ACACB: variants seen among roughly 807,000 people sequenced by gnomAD.
ACACB encodes the protein acetyl-CoA carboxylase 2.
Under a neutral mutation model 278.8 loss-of-function variants are expected in ACACB, and 209 were observed. The ratio of observed to expected loss-of-function variants is 0.75; its 90% confidence interval spans 0.67 to 0.84. The LOEUF is 0.84. Among genes scored for constraint, ACACB ranks in the 40% least tolerant of loss-of-function variants. The probability of loss-of-function intolerance (pLI) is 0.00; values close to 1 mark genes in which losing one functional copy is unlikely to be tolerated. For missense variants in ACACB, 2,850 were observed against 3,269.0 expected, an observed-to-expected ratio of 0.87 and a Z score of 3.13; for synonymous variants, 1,174 against 1,285.6, an observed-to-expected ratio of 0.91 and a Z score of 1.86.
At chr12:109,145,073 T>C (rs1160751580) in intron 2 of ACACB, among the ~76,000 whole-genome samples, 1 of 152,180 alleles carries the variant, frequency 6.6e-6, no homozygotes, top group African/African-American at 2.4e-5. Flanking sequence ...CTTCATAGTT[T>C]CAAAATGACT....
chr12:109,173,800 G>T (rs2044193861), intron 6 of ACACB, among the ~76,000 whole-genome samples: 1 of 152,166 alleles, frequency 6.6e-6, no homozygotes, highest in South Asian at 2.1e-4. Context: ...GCTAACCTAT[G>T]GTCCAGCTCT....
Position 109,175,946 on chromosome 12 carries a change from G to A in ACACB, c.1232G>A (p.Trp411Ter). 1 of 1,614,086 alleles carries A rather than the reference G, an allele frequency of 6.2e-7. No individual in the cohort carries two copies. Among genetic ancestry groups the A allele is most frequent in the Non-Finnish European group, 8.5e-7 (1 of 1,179,970 alleles). The part of the protein sequence containing the change: ...PWSGSGLTVE[W>*]TEDDLQQGKR... ...GACTCTCCAGGCCTGACAGTGGAGT[G>A]GACAGAAGATGATCTGCAGCAGGGA... is the stretch of plus-strand genomic sequence containing the variant. Residue 411 changes from tryptophan (W) to a stop codon, truncating the protein, a stop_gained, in exon 8 of 53, where the codon TGG (tryptophan) becomes TAG (stop). Transcript: ENST00000338432. LOFTEE classifies it high-confidence loss of function.
rs1185482040 is a variant in ACACB at position 109,193,689 on chromosome 12, A to G, written c.2441A>G (p.Asp814Gly). ...LPADSLLNLV[D>G]VELIYGGVKY... Reference sequence around the variant, plus strand: ...GCGGATTCACTACTGAACCTCGTAGATGTGGAATTAATTTACGGAGGTGTT... The same window carrying G: ...GCGGATTCACTACTGAACCTCGTAGGTGTGGAATTAATTTACGGAGGTGTT... The change falls in exon 16 of 53, where the codon GAT becomes GGT. Residue 814 changes from aspartate to glycine, a missense_variant. Physicochemically the swap from Asp to Gly is moderately conservative, Grantham distance 94. Transcript: ENST00000338432. 13 of 1,613,930 alleles carry G rather than the reference A, an allele frequency of 8.1e-6. No homozygotes were observed. Among genetic ancestry groups the G allele is most frequent in the Non-Finnish European group, 1.1e-5 (13 of 1,179,832 alleles).
intron 2 of ACACB, among the ~76,000 whole-genome samples, chr12:109,161,750 TG>T (rs1186827874): frequency 6.7e-6 from 1 of 148,634 alleles, no homozygotes; most frequent in Admixed American, 6.7e-5. Flanking sequence ...TGTGTGTGTG[TG>T]GTGTGTGTGT....
Position 109,188,076 on chromosome 12 carries a change from G to A in ACACB, c.2058G>A (p.Val686=). 1.9e-6 allele frequency: 3 copies of A among 1,613,796 alleles called. No homozygotes were observed. Among genetic ancestry groups the A allele is most frequent in the Non-Finnish European group, 2.5e-6 (3 of 1,179,686 alleles). The change falls in exon 13 of 53, where the codon GTG becomes GTA. Residue 686 remains valine, a synonymous_variant. Transcript: ENST00000338432. ...SSKNVWGYFS[V]AATGGLHEFA... The stretch of plus-strand genomic sequence containing the variant: ...AGAACGTGTGGGGTTACTTCAGCGT[G>A]GCCGCTACTGGAGGCCTGCACGAGT...
At chr12:109,196,806 G>C (rs1291344130) in intron 16 of ACACB, among the ~76,000 whole-genome samples, 1 of 152,190 alleles carries the variant, frequency 6.6e-6, no homozygotes, top group African/African-American at 2.4e-5. Context: ...GGGCAGGTGT[G>C]GCTCGCTACT....
chr12:109,181,840 C>CTTTTTTTTTTTTTTTTTTTT (rs34174568), intron 11 of ACACB, among the ~76,000 whole-genome samples: 3 of 81,548 alleles, frequency 3.7e-5, no homozygotes, highest in Admixed American at 1.8e-4. Context: ...TTTTCCTTTC[C>CTTTTTTTTTTTTTTTTTTTT]TTTTTTTTTT....
rs1188165889 is a variant in ACACB, at chr12:109,175,992, A to T, written c.1278A>T (p.Glu426Asp). The part of the protein sequence containing the change: ...LQQGKRISVP[E>D]DVYDKGCVKD... ...AGGGAAAAAGAATCAGTGTCCCAGA[A>T]GATGTTTATGACAAGGGTTGCGTGA... Residue 426 changes from glutamate to aspartate, a missense_variant, in exon 8 of 53, where the codon GAA becomes GAT. This residue lies in a region of ACACB where 2,265 missense variants were observed against 2,561.3 expected (regional missense o/e 0.88). Coordinates refer to ENST00000338432, the MANE Select transcript of ACACB (RefSeq NM_001093.4). 2 of 1,614,084 alleles carry T rather than the reference A, an allele frequency of 1.2e-6. No individual in the cohort carries two copies. Among genetic ancestry groups the T allele is most frequent in the Non-Finnish European group, 1.7e-6 (2 of 1,180,046 alleles).
chr12:109,145,951 G>A (rs1292142274), intron 2 of ACACB, among the ~76,000 whole-genome samples: 1 of 152,156 alleles, frequency 6.6e-6, no homozygotes, highest in Non-Finnish European at 1.5e-5. Flanking sequence ...AGAGGTTGCA[G>A]TGAGCCAAGA....
rs1390574769 is a variant in ACACB at position 109,223,870 on chromosome 12, A to G, written c.3848A>G (p.His1283Arg). The change falls in exon 27 of 53, where the codon CAC becomes CGC. Residue 1283 changes from histidine to arginine, a missense_variant. Around this residue, in one of 3 missense-constraint regions of ACACB, gnomAD observed 2,265 missense variants for 2,561.3 expected, o/e 0.88. Transcript: ENST00000338432. ...GACGTCCTGCCTACTTTCTTCTATC[A>G]CGCAAACAAAGTCGTGTGCATGGCG... ...IFDVLPTFFYHANKVVCMASL... is the reference protein window; with the variant it reads ...IFDVLPTFFYRANKVVCMASL... The G allele has an allele frequency of 1.2e-6, 2 of 1,614,078 alleles. No individual in the cohort carries two copies. Among genetic ancestry groups the G allele is most frequent in the Admixed American group, 3.3e-5 (2 of 60,016 alleles).
At chr12:109,111,709 C>T (rs1486552182), upstream of ACACB, among the ~76,000 whole-genome samples, 1 of 151,984 alleles carries the variant, frequency 6.6e-6, no homozygotes, top group Non-Finnish European at 1.5e-5. Flanking sequence ...GCATGCACTA[C>T]CACGCCCGGC....
rs189283811 is a variant in ACACB, at chr12:109,171,837, G to A, written c.958G>A (p.Val320Ile). The stretch of plus-strand genomic sequence containing the variant: ...CAAGATGGCGGATCATTACGTCCCC[G>A]TCCCAGGAGGGCCCAATAACAACAA... ...YIKMADHYVP[V>I]PGGPNNNNYA... The change falls in exon 5 of 53, where the codon GTC becomes ATC. Residue 320 changes from valine to isoleucine, a missense_variant. Physicochemically the swap from Val to Ile is conservative, Grantham distance 29. Transcript: ENST00000338432. 7.1e-5 allele frequency: 114 copies of A among 1,613,940 alleles called. No homozygotes were observed. The East Asian group carries it at 1.4e-3, about 21-fold the overall frequency.
chr12:109,176,075 G>A, intron 8 of ACACB, 35 bp downstream of exon 8: 1 of 1,612,542 alleles, frequency 6.2e-7, no homozygotes, highest in Non-Finnish European at 8.5e-7. Context: ...AGGGGAGCCA[G>A]AACCGAACTG....
intron 2 of ACACB, among the ~76,000 whole-genome samples, chr12:109,165,572 GA>G (rs1323501661): frequency 1.3e-5 from 2 of 151,988 alleles, no homozygotes; most frequent in African/African-American, 4.8e-5. Flanking sequence ...CTAAGTAAAG[GA>G]AAAAAATCAT....
rs2046204609 is a variant in ACACB, at chr12:109,222,635, T to A, written c.3678+15T>A. 1 of 1,607,306 alleles carries A rather than the reference T, an allele frequency of 6.2e-7. No homozygotes were observed. Among genetic ancestry groups the A allele is most frequent in the African/African-American group, 1.3e-5 (1 of 74,720 alleles). On this transcript the variant is annotated intron_variant, in intron 25 of 52. Transcript: ENST00000338432. ...GAGCCCGGCAGGTAGGGTCTCAGGG[T>A]GCGGTCCCCACGATGTGCGTTTCCC... is the stretch of plus-strand genomic sequence containing the variant.
chr12:109,114,656 C>T (rs1274048584), upstream of ACACB, among the ~76,000 whole-genome samples: 1 of 151,186 alleles, frequency 6.6e-6, no homozygotes, highest in Admixed American at 6.6e-5. Flanking sequence ...CCAACTTGGG[C>T]AACATAATGA....
At chr12:109,202,176 T>G (rs990146813) in intron 19 of ACACB, among the ~76,000 whole-genome samples, 1 of 151,960 alleles carries the variant, frequency 6.6e-6, no homozygotes, top group African/African-American at 2.4e-5. Context: ...CCACCTTTTC[T>G]TTTTAATAGA....
Position 109,256,174 on chromosome 12 carries a change from C to T in ACACB, c.6201C>T (p.Asp2067=). 6.2e-7 allele frequency: 1 copy of T among 1,613,986 alleles called. No homozygotes were observed. Among genetic ancestry groups the T allele is most frequent in the Non-Finnish European group, 8.5e-7 (1 of 1,179,922 alleles). The part of the protein sequence containing the change: ...LKGTWQSGFF[D]HGSFKEIMAP... ...GAACGTGGCAGAGCGGATTCTTTGA[C>T]CACGGCAGTTTCAAGGAAATCATGG... The change falls in exon 45 of 53, where the codon GAC becomes GAT. Residue 2067 remains aspartate, a synonymous_variant. Coordinates refer to ENST00000338432, the MANE Select transcript of ACACB (RefSeq NM_001093.4).
chr12:109,191,485 A>G (rs1169505718), intron 13 of ACACB, 128 bp from the exon 14 acceptor site: 12 of 1,191,550 alleles, frequency 1.0e-5, no homozygotes, highest in Middle Eastern at 5.1e-4. Context: ...AAGTGCTGGG[A>G]TTACAGGCGT....
Sources: gnomAD v4.1 joint callset for allele counts (sites outside exome capture counted in the v4.1 genomes callset) on GRCh38, gnomAD v4.1.1 for gene constraint, gnomAD v4.1.1 regional missense constraint, MANE v1.5 for transcripts, NCBI Gene and HGNC (gene_info 2026-07-23, HGNC 2026-07-21) for gene names.